The following TENM3 variants were observed in gnomAD, a reference collection of about 807,000 sequenced individuals.
The protein encoded by TENM3 is teneurin transmembrane protein 3.
Under a neutral mutation model 255.1 loss-of-function variants are expected in TENM3, and 63 were observed. The ratio of observed to expected loss-of-function variants is 0.25; its 90% confidence interval spans 0.20 to 0.30. TENM3 has a LOEUF of 0.30. Among genes scored for constraint, TENM3 ranks in the 10% least tolerant of loss-of-function variants. The probability of loss-of-function intolerance (pLI) is 1.00; values close to 1 mark genes in which losing one functional copy is unlikely to be tolerated. For missense variants in TENM3, 2,929 were observed against 3,461.1 expected (o/e 0.85, Z 3.86); for synonymous variants, 1,306 against 1,322.3 (o/e 0.99, Z 0.27).
At chr4:181,825,971 C>T in the TENM3 span, among the ~76,000 whole-genome samples, 1 of 152,146 alleles carries the variant, frequency 6.6e-6, no homozygotes, top group Non-Finnish European at 1.5e-5. Context: ...GACCCCAAAA[C>T]CTAGCGCAGG....
intron 3 of TENM3, among the ~76,000 whole-genome samples, chr4:182,386,074 G>A (rs537121230): frequency 2.6e-5 from 4 of 152,316 alleles, no homozygotes; most frequent in East Asian, 1.9e-4. Flanking sequence ...GACTTAGAAC[G>A]TAAGAAAGAG....
chr4:181,475,937 C>A, the TENM3 span, among the ~76,000 whole-genome samples: 1 of 152,206 alleles, frequency 6.6e-6, no homozygotes, highest in South Asian at 2.1e-4. Flanking sequence ...CCGAGGTCTC[C>A]CCTTGCAGAG....
At chr4:181,783,260 C>G in the TENM3 span, among the ~76,000 whole-genome samples, 1 of 152,072 alleles carries the variant, frequency 6.6e-6, no homozygotes, top group South Asian at 2.1e-4. Flanking sequence ...GAGTCTAAGT[C>G]TCTTTGTAGG....
the TENM3 span, among the ~76,000 whole-genome samples, chr4:181,933,095 A>G: frequency 2.6e-5 from 4 of 152,144 alleles, no homozygotes; most frequent in Admixed American, 6.5e-5. Context: ...GCGAACCACC[A>G]TGGCACCTGC....
chr4:181,828,994 C>T, the TENM3 span, among the ~76,000 whole-genome samples: 9 of 152,150 alleles, frequency 5.9e-5, no homozygotes, highest in African/African-American at 1.9e-4. Context: ...ATTGAGGTGC[C>T]GTCACCACCC....
chr4:181,536,448 T>A, the TENM3 span, among the ~76,000 whole-genome samples: 1 of 152,230 alleles, frequency 6.6e-6, no homozygotes. Flanking sequence ...ATTTCATCAC[T>A]GTGGATTCAC....
At chr4:181,966,990 TCTCTCTCTCTCTCTCG>T in the TENM3 span, among the ~76,000 whole-genome samples, 1 of 149,994 alleles carries the variant, frequency 6.7e-6, no homozygotes, top group Non-Finnish European at 1.5e-5. Flanking sequence ...TCACACCATA[TCTCTCTCTCTCTCTCG>T]CTCTCTCTCT....
At chr4:181,467,095 GTGTGTGTGTATATATATA>G in the TENM3 span, among the ~76,000 whole-genome samples, 1 of 71,852 alleles carries the variant, frequency 1.4e-5, no homozygotes, top group Non-Finnish European at 2.6e-5. Flanking sequence ...GTGTGTGTGT[GTGTGTGTGTATATATATA>G]TATATATATA....
chr4:182,383,364 G>A lies in TENM3; in HGVS notation c.511+36435G>A, dbSNP rs148605812. Among the ~76,000 whole-genome samples, 1,153 of 152,210 alleles carry A rather than the reference G, an allele frequency of 7.6e-3. 5 individuals are homozygous for A. The highest frequency in any genetic ancestry group is 0.013 in the Non-Finnish European group (890 of 68,014). ...CAGCAAGGGGAAGGGTGAAGAAGGT[G>A]GAGGCCTAGTCAAACAGAGCACTTG... On this transcript the variant is annotated intron_variant, in intron 3 of 27. Coordinates refer to ENST00000511685, the MANE Select transcript of TENM3 (RefSeq NM_001080477.4).
chr4:182,389,612 A>G (rs1768264561), intron 3 of TENM3, among the ~76,000 whole-genome samples: 1 of 152,176 alleles, frequency 6.6e-6, no homozygotes, highest in Admixed American at 6.5e-5. Flanking sequence ...CATATCGTAG[A>G]GAAGGCACCA....
the TENM3 span, among the ~76,000 whole-genome samples, chr4:181,522,240 T>C: frequency 6.7e-6 from 1 of 149,152 alleles, no homozygotes; most frequent in Admixed American, 6.7e-5. Context: ...AAATTTCACA[T>C]CAATGAGAAG....
the TENM3 span, among the ~76,000 whole-genome samples, chr4:181,841,612 T>A: frequency 1.3e-5 from 2 of 152,192 alleles, no homozygotes; most frequent in Non-Finnish European, 2.9e-5. Context: ...ACATTTCAGT[T>A]TTCTTATATT....
the TENM3 span, among the ~76,000 whole-genome samples, chr4:181,928,868 C>T: frequency 6.6e-6 from 1 of 152,208 alleles, no homozygotes; most frequent in African/African-American, 2.4e-5. Context: ...AGAGTGGGGG[C>T]CAATATTCAA....
the TENM3 span, among the ~76,000 whole-genome samples, chr4:182,009,702 C>CT: frequency 6.6e-6 from 1 of 152,142 alleles, no homozygotes; most frequent in Non-Finnish European, 1.5e-5. Flanking sequence ...GCTTAAATGG[C>CT]TTAGACCCCA....
chr4:182,150,183 CA>C (rs796763515), intron 1 of TENM3, among the ~76,000 whole-genome samples: 3 of 147,564 alleles, frequency 2.0e-5, no homozygotes, highest in African/African-American at 5.0e-5. Flanking sequence ...GCCTCAAAAC[CA>C]AAAAAAGATA....
chr4:182,774,820 A>T, intron 23 of TENM3, 98 bp from the exon 24 acceptor site: 1 of 778,766 alleles, frequency 1.3e-6, no homozygotes, highest in Non-Finnish European at 2.1e-6. Context: ...CCTTATTCCT[A>T]GTCAACTTTT....
intron 18 of TENM3, among the ~76,000 whole-genome samples, chr4:182,741,374 A>G (rs11734588): frequency 0.65 from 99,022 of 152,034 alleles, 32,653 homozygotes; most frequent in East Asian, 0.8. Flanking sequence ...GAAAGACATG[A>G]AGGAAGAAGA....
chr4:182,407,547 G>A (rs1427771270), intron 3 of TENM3, among the ~76,000 whole-genome samples: 1 of 152,170 alleles, frequency 6.6e-6, no homozygotes, highest in African/African-American at 2.4e-5. Flanking sequence ...TAACCTAAAT[G>A]ACACTGGTGT....
chr4:182,067,056 C>T, the TENM3 span, among the ~76,000 whole-genome samples: 1 of 152,200 alleles, frequency 6.6e-6, no homozygotes, highest in Non-Finnish European at 1.5e-5. Flanking sequence ...GCCTCCTTAT[C>T]TCCAGCCAGT....
Sources: allele counts gnomAD v4.1 joint callset (sites outside exome capture counted in the v4.1 genomes callset), GRCh38; gene constraint gnomAD v4.1.1; transcripts MANE v1.5; gene names NCBI Gene and HGNC (gene_info 2026-07-23, HGNC 2026-07-21).